Variants in NTRK3 observed in about 807,000 individuals in gnomAD.
NTRK3 encodes neurotrophic receptor tyrosine kinase 3.
In NTRK3, 24 loss-of-function variants were observed where a neutral mutation model predicts 91.7. That is an observed-to-expected ratio of 0.26 (90% CI 0.19 to 0.37). The LOEUF (loss-of-function observed/expected upper bound fraction) is 0.37. Among genes scored for constraint, NTRK3 ranks in the 10% least tolerant of loss-of-function variants. The probability of loss-of-function intolerance (pLI) is 1.00; values close to 1 mark genes in which losing one functional copy is unlikely to be tolerated. For missense variants in NTRK3, 880 were observed against 1,068.9 expected (o/e 0.82, Z 2.46); for synonymous variants, 483 against 404.0 (o/e 1.20, Z -2.34).
intron 13 of NTRK3, among the ~76,000 whole-genome samples, chr15:88,091,100 T>C (rs2048974303): frequency 6.6e-6 from 1 of 152,220 alleles, no homozygotes; most frequent in Admixed American, 6.5e-5. Flanking sequence ...GACCTCTCCT[T>C]AGATGTCTGC....
At chr15:87,945,809 A>C (rs2070420051) in intron 14 of NTRK3, among the ~76,000 whole-genome samples, 3 of 150,850 alleles carry the variant, frequency 2.0e-5, no homozygotes, top group African/African-American at 4.9e-5. Flanking sequence ...CTGGGAAAAA[A>C]AAAAAAAAAA....
At chr15:88,038,555 A>T (rs1279553554) in intron 13 of NTRK3, among the ~76,000 whole-genome samples, 3 of 152,172 alleles carry the variant, frequency 2.0e-5, no homozygotes, top group African/African-American at 7.2e-5. Context: ...ATGAAAAGCC[A>T]GTCTCAGCTT....
At chr15:88,111,091 A>G (rs2051293185) in intron 13 of NTRK3, among the ~76,000 whole-genome samples, 1 of 152,206 alleles carries the variant, frequency 6.6e-6, no homozygotes, top group African/African-American at 2.4e-5. Context: ...TTTACAGGAA[A>G]TTCACTGAGA....
intron 17 of NTRK3, among the ~76,000 whole-genome samples, chr15:87,922,901 T>C (rs1341245850): frequency 2.6e-5 from 4 of 152,218 alleles, no homozygotes; most frequent in Admixed American, 2.6e-4. Context: ...ATGTAGTTTC[T>C]TGAATTTACT....
At chr15:88,136,412 C>CT in intron 8 of NTRK3, 55 bp downstream of exon 8, 1 of 1,612,538 alleles carries the variant, frequency 6.2e-7, no homozygotes, top group Non-Finnish European at 8.5e-7. Context: ...TTCTTCAAGA[C>CT]TACAGTGTGA....
rs201600196 is a variant in NTRK3, at chr15:87,991,590, C to T, written c.1585+41267G>A. On this transcript the variant is annotated intron_variant, in intron 14 of 18. Coordinates refer to ENST00000394480, the Ensembl canonical transcript of NTRK3. Reference sequence around the variant, plus strand: ...CATAACAACAAACTCAACATTTCTACAATCCCCATCCCAAACAATTTCCCT... The same window carrying T: ...CATAACAACAAACTCAACATTTCTATAATCCCCATCCCAAACAATTTCCCT... 2.0e-4 allele frequency among the ~76,000 whole-genome samples: 31 copies of T among 152,274 alleles called. 1 individual carries two copies. In the East Asian group the frequency reaches 5.8e-3, roughly 28 times the overall value.
At chr15:88,217,871 G>A (rs2049925160) in intron 3 of NTRK3, among the ~76,000 whole-genome samples, 1 of 151,350 alleles carries the variant, frequency 6.6e-6, no homozygotes, top group African/African-American at 2.4e-5. Flanking sequence ...CCATTCTCCT[G>A]CCTCAGCCTC....
At chr15:88,186,927 C>T (rs1329440700) in intron 3 of NTRK3, among the ~76,000 whole-genome samples, 1 of 151,978 alleles carries the variant, frequency 6.6e-6, no homozygotes, top group Non-Finnish European at 1.5e-5. Context: ...GGTTACTTCT[C>T]TGTCTGTGCC....
At chr15:87,877,024 G>T in exon 19 of NTRK3, 2 of 1,613,336 alleles carry the variant, frequency 1.2e-6, no homozygotes, top group Non-Finnish European at 8.5e-7. Flanking sequence ...CGCTGCTGTG[G>T]TTCCCTCTGC....
intron 13 of NTRK3, among the ~76,000 whole-genome samples, chr15:88,065,272 G>T (rs1405501022): frequency 1.6e-4 from 24 of 152,178 alleles, no homozygotes; most frequent in Admixed American, 1.6e-3. Flanking sequence ...TCCAACACCA[G>T]GGGAAGAAAT....
At chr15:87,919,790 G>A (rs957862975) in intron 17 of NTRK3, among the ~76,000 whole-genome samples, 1 of 152,168 alleles carries the variant, frequency 6.6e-6, no homozygotes, top group African/African-American at 2.4e-5. Context: ...ATGTAGAAGA[G>A]TCTGCTTCAA....
At chr15:87,991,228 A>T (rs537130811) in intron 14 of NTRK3, among the ~76,000 whole-genome samples, 7 of 152,206 alleles carry the variant, frequency 4.6e-5, no homozygotes, top group African/African-American at 1.7e-4. Context: ...CTCAAGCATC[A>T]GTCTTTTCAC....
intron 5 of NTRK3, among the ~76,000 whole-genome samples, chr15:88,171,615 C>T (rs1389743266): frequency 1.3e-5 from 2 of 152,294 alleles, no homozygotes; most frequent in Non-Finnish European, 1.5e-5. Context: ...GAGAAAGGTG[C>T]TTTATGTTCA....
chr15:87,988,832 G>C (rs1011973874), intron 14 of NTRK3, among the ~76,000 whole-genome samples: 1 of 152,104 alleles, frequency 6.6e-6, no homozygotes, highest in African/African-American at 2.4e-5. Context: ...GAAGTGGCTA[G>C]CATTACAAGA....
At chr15:88,122,384 C>A (rs1597436143) in intron 13 of NTRK3, among the ~76,000 whole-genome samples, 1 of 152,152 alleles carries the variant, frequency 6.6e-6, no homozygotes, top group East Asian at 1.9e-4. Flanking sequence ...AGACAGCTGA[C>A]AGAGACACAC....
chr15:87,922,934 A>G (rs1461373167), intron 17 of NTRK3, among the ~76,000 whole-genome samples: 1 of 152,200 alleles, frequency 6.6e-6, no homozygotes, highest in Non-Finnish European at 1.5e-5. Context: ...TGGAGGATGA[A>G]TCAAAGCACC....
At chr15:88,172,930 C>T (rs547888146) in intron 5 of NTRK3, among the ~76,000 whole-genome samples, 2 of 152,298 alleles carry the variant, frequency 1.3e-5, no homozygotes, top group East Asian at 3.9e-4. Flanking sequence ...AAGAGGCAGG[C>T]ACCCAGGAGA....
intron 14 of NTRK3, among the ~76,000 whole-genome samples, chr15:87,946,049 A>G (rs2142068302): frequency 6.6e-6 from 1 of 152,342 alleles, no homozygotes; most frequent in African/African-American, 2.4e-5. Flanking sequence ...TTTCATTTCA[A>G]CTAGGAGCTC....
intron 6 of NTRK3, among the ~76,000 whole-genome samples, chr15:88,138,292 C>A (rs1347661906): frequency 6.6e-6 from 1 of 151,948 alleles, no homozygotes; most frequent in Non-Finnish European, 1.5e-5. Context: ...CACCTGCAGT[C>A]CCAGCTACTC....
Sources: allele counts gnomAD v4.1 joint callset (sites outside exome capture counted in the v4.1 genomes callset), GRCh38; gene constraint gnomAD v4.1.1; transcripts MANE v1.5; gene names NCBI Gene and HGNC (gene_info 2026-07-23, HGNC 2026-07-21).